Variants in SBSPON observed in about 807,000 individuals in gnomAD.
SBSPON encodes somatomedin B and thrombospondin type 1 domain containing.
A neutral mutation model predicts 35.8 loss-of-function variants in SBSPON; 30 were observed. That is an observed-to-expected ratio of 0.84 (90% confidence interval 0.63 to 1.14). The LOEUF (loss-of-function observed/expected upper bound fraction) is 1.14, where lower values mean the gene tolerates loss of function less well. SBSPON is among the 50% of genes most tolerant of loss of function. The pLI is 0.00. For missense variants in SBSPON, 364 were observed against 357.7 expected, an observed-to-expected ratio of 1.02 and a Z score of -0.14; for synonymous variants, 136 against 135.9, an observed-to-expected ratio of 1.00 and a Z score of 0.00.
rs981008050 is a variant in SBSPON at position 73,064,736 on chromosome 8, A to G, written c.*2605T>C. On this transcript the variant is annotated 3_prime_UTR_variant, in exon 5 of 5. Transcript: ENST00000297354. ...AGAATACTGTGATTATAGTTACCTTATTCCTTTTTCTATTCTTTTTTTCCT... is the reference window on the plus strand; with the variant it reads ...AGAATACTGTGATTATAGTTACCTTGTTCCTTTTTCTATTCTTTTTTTCCT... The G allele has an allele frequency of 2.0e-5, 3 of 151,930 alleles. No individual in the cohort carries two copies. The highest frequency in any genetic ancestry group is 7.3e-5 in the African/African-American group (3 of 41,358). The allele number at this position is 151,930 out of a possible 1,614,324, so 9.4% of individuals were successfully genotyped here.
chr8:73,075,525 A>T (rs1486405512), intron 2 of SBSPON: 1 of 152,262 alleles, frequency 6.6e-6, no homozygotes, highest in Non-Finnish European at 1.5e-5. Context: ...TGGCAACAGT[A>T]TTCAAGTGCA....
At position 73,071,859 on chromosome 8, in the gene SBSPON, T is replaced by C; in HGVS notation, c.421A>G (p.Ile141Val). 1.2e-6 allele frequency: 2 copies of C among 1,606,228 alleles called. No homozygotes were observed. ...TCCTTGTTGAATGCAGAGGTAGTTA[T>C]AAAGGCAGGAACTGGAAAAGGGAGA... ...DCGHTYVPAF[I>V]TTSAFNKERT... The change falls in exon 3 of 5, where the codon ATA becomes GTA. Residue 141 changes from isoleucine (I) to valine (V), a missense_variant. Ile to Val is a conservative substitution (Grantham distance 29). Transcript: ENST00000297354.
intron 4 of SBSPON, among the ~76,000 whole-genome samples, chr8:73,067,939 T>C (rs531725463): frequency 2.0e-5 from 3 of 151,900 alleles, no homozygotes; most frequent in Admixed American, 6.6e-5. Context: ...GACACCCTCA[T>C]GTTGACAGAG....
chr8:73,082,572 G>C (rs1810729873), intron 1 of SBSPON, among the ~76,000 whole-genome samples: 1 of 152,156 alleles, frequency 6.6e-6, no homozygotes, highest in African/African-American at 2.4e-5. Context: ...ATTCATCAAT[G>C]AAATACCCAC....
chr8:73,078,295 G>C (rs910512104), intron 2 of SBSPON, among the ~76,000 whole-genome samples: 1 of 152,162 alleles, frequency 6.6e-6, no homozygotes, highest in Non-Finnish European at 1.5e-5. Context: ...CTTGTGACAG[G>C]AGTAATCATC....
intron 1 of SBSPON, among the ~76,000 whole-genome samples, chr8:73,090,488 T>G (rs978568633): frequency 1.3e-5 from 2 of 152,234 alleles, no homozygotes; most frequent in Non-Finnish European, 2.9e-5. Flanking sequence ...TCGGCATGGT[T>G]GTGGCATGGG....
chr8:73,070,491 A>C (rs2129988709), intron 3 of SBSPON, among the ~76,000 whole-genome samples: 2 of 152,020 alleles, frequency 1.3e-5, no homozygotes, highest in Middle Eastern at 6.8e-3. Flanking sequence ...CTCTCCACCC[A>C]CCTCACTTGT....
intron 2 of SBSPON, among the ~76,000 whole-genome samples, chr8:73,076,691 C>T (rs1563488047): frequency 6.6e-6 from 1 of 151,450 alleles, no homozygotes; most frequent in Non-Finnish European, 1.5e-5. Context: ...AAGAAAGGCA[C>T]CGAGAAATGC....
chr8:73,087,948 T>C (rs529575451), intron 1 of SBSPON, among the ~76,000 whole-genome samples: 1 of 152,330 alleles, frequency 6.6e-6, no homozygotes, highest in African/African-American at 2.4e-5. Flanking sequence ...GCAGGGAAAC[T>C]TGGATCTGTT....
chr8:73,078,562 G>A (rs1171950830), intron 2 of SBSPON, among the ~76,000 whole-genome samples: 1 of 152,156 alleles, frequency 6.6e-6, no homozygotes, highest in Non-Finnish European at 1.5e-5. Flanking sequence ...AGAGCCCGAT[G>A]TGCTGAAGGA....
In SBSPON at chr8:73,066,686, C is replaced by G. The variant is rs1810392186; in HGVS notation, c.*655G>C. The G allele has an allele frequency of 6.6e-6, 1 of 152,074 alleles. No homozygotes were observed. Among genetic ancestry groups the G allele is most frequent in the Non-Finnish European group, 1.5e-5 (1 of 68,032 alleles). The allele number at this position is 152,074 out of a possible 1,614,324, so 9.4% of individuals were successfully genotyped here. A position where few individuals can be genotyped will look rare whatever the true frequency, so the allele number is the denominator to read the frequency against. On this transcript the variant is annotated 3_prime_UTR_variant, in exon 5 of 5. Coordinates refer to ENST00000297354, the MANE Select transcript of SBSPON (RefSeq NM_153225.4). ...GAAAATTATAACATTTAAAAGAACTCCCATTGACCTACAATGAGCATTTGA... is the reference window on the plus strand; with the variant it reads ...GAAAATTATAACATTTAAAAGAACTGCCATTGACCTACAATGAGCATTTGA...
intron 2 of SBSPON, 145 bp downstream of exon 2, chr8:73,080,874 T>A (rs1810684338): frequency 1.7e-6 from 1 of 573,562 alleles, no homozygotes; most frequent in African/African-American, 1.9e-5. Flanking sequence ...TTTCCTGAGC[T>A]TCCTATCTAC....
chr8:73,091,860 G>A (rs1205209427), intron 1 of SBSPON, among the ~76,000 whole-genome samples: 3 of 152,272 alleles, frequency 2.0e-5, no homozygotes, highest in East Asian at 1.9e-4. Context: ...GGTGCTCCCC[G>A]CCACTGGGTA....
At chr8:73,081,832 A>C (rs1247372218) in intron 1 of SBSPON, among the ~76,000 whole-genome samples, 1 of 152,144 alleles carries the variant, frequency 6.6e-6, no homozygotes, top group Non-Finnish European at 1.5e-5. Flanking sequence ...CTCATGAACT[A>C]TGAGGGCTGA....
intron 1 of SBSPON, among the ~76,000 whole-genome samples, chr8:73,086,535 A>G (rs117605212): frequency 0.011 from 1,614 of 152,208 alleles, 19 homozygotes; most frequent in Non-Finnish European, 0.013. Context: ...CTGAAAGCCA[A>G]ATGAGACTAC....
At chr8:73,073,029 T>C (rs1237882615) in intron 2 of SBSPON, among the ~76,000 whole-genome samples, 1 of 152,208 alleles carries the variant, frequency 6.6e-6, no homozygotes, top group East Asian at 1.9e-4. Context: ...GTTGCTATAA[T>C]AACACCTATA....
chr8:73,077,828 G>T (rs1336066424), intron 2 of SBSPON, among the ~76,000 whole-genome samples: 1 of 152,160 alleles, frequency 6.6e-6, no homozygotes, highest in Non-Finnish European at 1.5e-5. Flanking sequence ...GGGATCATAT[G>T]ATCAAATTAA....
Position 73,067,352 on chromosome 8 carries a change from T to A in SBSPON, c.784A>T (p.Ile262Phe). 6.4e-7 allele frequency: 1 copy of A among 1,573,482 alleles called. No individual in the cohort carries two copies. Among genetic ancestry groups the A allele is most frequent in the East Asian group, 2.2e-5 (1 of 44,614 alleles). The change falls in exon 5 of 5, where the codon ATT becomes TTT. Residue 262 changes from isoleucine (I) to phenylalanine (F), a missense_variant. Physicochemically the swap from Ile to Phe is conservative, Grantham distance 21 (BLOSUM62 0). Coordinates refer to ENST00000297354, the MANE Select transcript of SBSPON (RefSeq NM_153225.4). Reference protein sequence around the residue: ...QCSCPAVHSFIFI With the variant: ...QCSCPAVHSFFFI ...ATTTATATCACCATCTATATAAAAATAAAACTGTGAACAGCTGGACAAGAA... is the reference window on the plus strand; with the variant it reads ...ATTTATATCACCATCTATATAAAAAAAAAACTGTGAACAGCTGGACAAGAA...
chr8:73,086,502 C>T (rs1015058648), intron 1 of SBSPON, among the ~76,000 whole-genome samples: 9 of 152,104 alleles, frequency 5.9e-5, no homozygotes, highest in South Asian at 2.1e-4. Flanking sequence ...TTCCTCTTTC[C>T]GTAGAACCTT....
Sources: gnomAD v4.1 joint callset for allele counts (sites outside exome capture counted in the v4.1 genomes callset) on GRCh38, gnomAD v4.1.1 for gene constraint, MANE v1.5 for transcripts, NCBI Gene and HGNC (gene_info 2026-07-23, HGNC 2026-07-21) for gene names.